The following ZNF333 variants were observed in gnomAD, a reference collection of about 807,000 sequenced individuals.
The protein encoded by ZNF333 is zinc finger protein 333.
In ZNF333, 61 loss-of-function variants were observed where a neutral mutation model predicts 76.1. The observed-to-expected ratio is 0.80, with a 90% CI of 0.65 to 0.99. The LOEUF (loss-of-function observed/expected upper bound fraction) is 0.99. ZNF333 is among the 50% of genes least tolerant of loss of function. The pLI is 0.00. For missense variants in ZNF333, 717 were observed against 822.4 expected, an observed-to-expected ratio of 0.87 and a Z score of 1.57; for synonymous variants, 284 against 305.0, an observed-to-expected ratio of 0.93 and a Z score of 0.72.
At chr19:14,696,772 CCT>C (rs1346229743) in intron 4 of ZNF333, among the ~76,000 whole-genome samples, 14 of 137,632 alleles carry the variant, frequency 1.0e-4, no homozygotes, top group Non-Finnish European at 9.1e-5. Context: ...AGAGTCTCGC[CCT>C]GTCACCCAGG....
intron 2 of ZNF333, among the ~76,000 whole-genome samples, chr19:14,694,483 GA>G (rs5827252): frequency 0.37 from 54,705 of 149,274 alleles, 10,468 homozygotes; most frequent in East Asian, 0.61. Flanking sequence ...AAAAAAAAAA[GA>G]AAAAAAGAAA....
exon 12 of ZNF333, chr19:14,732,687 A>C (rs2042683721): frequency 6.6e-6 from 1 of 152,248 alleles, no homozygotes; most frequent in African/African-American, 2.4e-5. Flanking sequence ...CACATGACTG[A>C]TATATGAAGT....
rs764809167 is a variant in ZNF333 at position 14,718,711 on chromosome 19, C to T, written c.1384C>T (p.Pro462Ser). ...AGATTGTGGGAAAGCCTTCAATCAG[C>T]CATCATCCCTCAGGAGCCACGTGAG... is the stretch of plus-strand genomic sequence containing the variant. The part of the protein sequence containing the change: ...CKDCGKAFNQ[P>S]SSLRSHVRTH... The change falls in exon 12 of 12, where the codon CCA becomes TCA. Residue 462 changes from proline (P) to serine (S), a missense_variant. Pro to Ser is a moderately conservative substitution (Grantham distance 74). Coordinates refer to ENST00000292530, the MANE Select transcript of ZNF333 (RefSeq NM_032433.4). 6.8e-6 allele frequency: 11 copies of T among 1,614,008 alleles called. No homozygotes were observed. Among genetic ancestry groups the T allele is most frequent in the South Asian group, 1.1e-5 (1 of 91,076 alleles).
At chr19:14,709,849 A>G (rs939560854) in intron 7 of ZNF333, among the ~76,000 whole-genome samples, 10 of 152,206 alleles carry the variant, frequency 6.6e-5, no homozygotes, top group African/African-American at 2.2e-4. Flanking sequence ...CACCTAGCGC[A>G]TGGTATTTTG....
rs145786042 is a variant in ZNF333 at position 14,718,337 on chromosome 19, C to T, written c.1010C>T (p.Ser337Phe). ...QYQRIHAGEA[S>F]CECQEIRNSF... is the part of the protein sequence containing the mutation. ...CAGAGAATTCATGCTGGAGAGGCAT[C>T]CTGTGAATGTCAAGAGATTAGAAAT... is the stretch of plus-strand genomic sequence containing the variant. The change falls in exon 12 of 12, where the codon TCC becomes TTC. Residue 337 changes from serine to phenylalanine, a missense_variant. Transcript: ENST00000292530. 4.2e-5 allele frequency: 67 copies of T among 1,614,086 alleles called. No homozygotes were observed. The East Asian group carries it at 1.4e-3, about 34-fold the overall frequency.
Position 14,718,361 on chromosome 19 carries a change from A to G in ZNF333, c.1034A>G (p.Asn345Ser), listed in dbSNP as rs2042498255. The change falls in exon 12 of 12, where the codon AAT becomes AGT. Residue 345 changes from asparagine to serine, a missense_variant. Transcript: ENST00000292530. ...EASCECQEIR[N>S]SFFQSAHLIV... ...TCCTGTGAATGTCAAGAGATTAGAA[A>G]TTCCTTCTTCCAGAGTGCCCACCTA... The G allele has an allele frequency of 2.5e-6, 4 of 1,614,240 alleles. No homozygotes were observed. Among genetic ancestry groups the G allele is most frequent in the African/African-American group, 1.3e-5 (1 of 75,058 alleles).
intron 1 of ZNF333, among the ~76,000 whole-genome samples, chr19:14,692,347 A>G (rs1243995850): frequency 6.6e-6 from 1 of 152,138 alleles, no homozygotes; most frequent in Non-Finnish European, 1.5e-5. Flanking sequence ...ACTTGAGAGA[A>G]CATTCCAGAT....
chr19:14,710,734 C>T (rs895277932), intron 7 of ZNF333, among the ~76,000 whole-genome samples: 6 of 152,082 alleles, frequency 3.9e-5, no homozygotes, highest in African/African-American at 7.2e-5. Flanking sequence ...ACCAAGATTG[C>T]GCCACTGCAC....
Position 14,706,412 on chromosome 19 carries a change from C to G in ZNF333, c.424-274C>G, listed in dbSNP as rs10403578. 9.8e-3 allele frequency: 4,499 copies of G among 457,382 alleles called. 175 individuals are homozygous for G. The highest frequency in any genetic ancestry group is 0.078 in the African/African-American group (3,908 of 50,136). The allele number at this position is 457,382 out of a possible 1,614,324, so 28.3% of individuals were successfully genotyped here. A position where few individuals can be genotyped will look rare whatever the true frequency, so the allele number is the denominator to read the frequency against. On this transcript the variant is annotated intron_variant, in intron 6 of 11. Coordinates refer to ENST00000292530, the MANE Select transcript of ZNF333 (RefSeq NM_032433.4). ...TGGCCATCCACTCCCCACTTTTTTCCCAGCTTTTCCCTGACTTCTGGAGCC... is the reference window on the plus strand; with the variant it reads ...TGGCCATCCACTCCCCACTTTTTTCGCAGCTTTTCCCTGACTTCTGGAGCC...
At chr19:14,706,424 T>C (rs188804883) in intron 6 of ZNF333, 20 of 480,152 alleles carry the variant, frequency 4.2e-5, no homozygotes, top group Middle Eastern at 5.8e-4. Flanking sequence ...AGCTTTTCCC[T>C]GACTTCTGGA....
intron 7 of ZNF333, among the ~76,000 whole-genome samples, chr19:14,709,578 G>A (rs143719962): frequency 4.6e-5 from 7 of 152,304 alleles, no homozygotes; most frequent in East Asian, 1.9e-4. Context: ...TGTCTCCCCC[G>A]AAGGTGCCAT....
At chr19:14,709,985 G>A (rs1329438763) in intron 7 of ZNF333, among the ~76,000 whole-genome samples, 5 of 152,162 alleles carry the variant, frequency 3.3e-5, no homozygotes, top group South Asian at 4.1e-4. Context: ...CAGGAGGTTC[G>A]GAGAGAGGAT....
intron 9 of ZNF333, among the ~76,000 whole-genome samples, chr19:14,716,506 GC>G (rs1792798958): frequency 1.3e-5 from 2 of 152,118 alleles, no homozygotes; most frequent in Admixed American, 1.3e-4. Context: ...TGATTCACCT[GC>G]CTCAGCCCCA....
chr19:14,722,798 G>T (rs930471240), downstream of ZNF333, among the ~76,000 whole-genome samples: 5 of 152,130 alleles, frequency 3.3e-5, no homozygotes, highest in African/African-American at 1.2e-4. Flanking sequence ...TCGTTTTTGT[G>T]TTTTTGAGAC....
Position 14,695,074 on chromosome 19 carries a change from C to T in ZNF333, c.68C>T (p.Ala23Val). Residue 23 changes from alanine (A) to valine (V), a missense_variant, in exon 3 of 12, where the codon GCA becomes GTA. Transcript: ENST00000292530. ...CAGGAGTGGGCATTGCTGGACAGCG[C>T]ACGGAGGAGCCTGTGCAAATACAGG... ...FIQEWALLDS[A>V]RRSLCKYRML... 6.2e-7 allele frequency: 1 copy of T among 1,614,064 alleles called. No homozygotes were observed. Among genetic ancestry groups the T allele is most frequent in the Non-Finnish European group, 8.5e-7 (1 of 1,179,966 alleles).
intron 9 of ZNF333, 71 bp from the exon 10 acceptor site, chr19:14,716,923 T>G: frequency 3.0e-5 from 42 of 1,420,376 alleles, no homozygotes; most frequent in African/African-American, 4.2e-5. Context: ...CCTAAAGACT[T>G]GAGAATATCG....
Position 14,699,233 on chromosome 19 carries a change from T to C in ZNF333, c.258T>C (p.Pro86=). The stretch of plus-strand genomic sequence containing the variant: ...CTCAACTTAAACCCGAAGAGTTGCC[T>C]TCTATGCAGGATCTTTTGGAAGAAG... ...WESQLKPEEL[P]SMQDLLEEAS... is the part of the protein sequence containing the mutation. Residue 86 remains proline, a synonymous_variant, in exon 5 of 12, where the codon CCT becomes CCC. Transcript: ENST00000292530. 6.2e-7 allele frequency: 1 copy of C among 1,614,016 alleles called. No individual in the cohort carries two copies. The highest frequency in any genetic ancestry group is 1.3e-5 in the African/African-American group (1 of 75,030).
rs1198881990 is a variant in ZNF333, at chr19:14,690,065, G to GCGGCGGCCGA, written c.-119_-110dup. The GCGGCGGCCGA allele has an allele frequency of 1.3e-5, 2 of 152,734 alleles. No homozygotes were observed. The highest frequency in any genetic ancestry group is 2.1e-4 in the South Asian group (1 of 4,844). 9.5% of individuals were successfully genotyped at this position (152,734 alleles called of 1,614,324 possible). ...GAGACCGGAAGCGGAAGTGCGCGCG[G>GCGGCGGCCGA]CGGCGGCCGACGGCGGCTGAGCTGT... On this transcript the variant is annotated 5_prime_UTR_variant, in exon 1 of 12. Coordinates refer to ENST00000292530, the MANE Select transcript of ZNF333 (RefSeq NM_032433.4).
chr19:14,694,970 GGGT>G (rs747053746), intron 2 of ZNF333, 37 bp from the exon 3 acceptor site: 20 of 1,613,406 alleles, frequency 1.2e-5, no homozygotes, highest in Non-Finnish European at 1.6e-5. Flanking sequence ...TCAGTGGTGG[GGGT>G]GGTATTTGCC....
Sources: allele counts gnomAD v4.1 joint callset (sites outside exome capture counted in the v4.1 genomes callset), GRCh38; gene constraint gnomAD v4.1.1; transcripts MANE v1.5; gene names NCBI Gene and HGNC (gene_info 2026-07-23, HGNC 2026-07-21).